The following NEGR1 variants were observed in gnomAD, a reference collection of about 807,000 sequenced individuals.
NEGR1 encodes the protein neuronal growth regulator 1, also known as IgLON family member 4.
A neutral mutation model predicts 40.9 loss-of-function variants in NEGR1; 10 were observed. The observed-to-expected ratio is 0.24, with a 90% CI of 0.15 to 0.42. The LOEUF is 0.42. NEGR1 is among the 10% of genes least tolerant of loss of function. The probability of loss-of-function intolerance (pLI) is 1.00; values close to 1 mark genes in which losing one functional copy is unlikely to be tolerated. For synonymous variants in NEGR1, 185 were observed against 166.8 expected (o/e 1.11, Z -0.84); for missense variants, 352 against 438.9 (o/e 0.80, Z 1.77).
In NEGR1 at chr1:71,430,731, G is replaced by A. The variant is rs1646460726; in HGVS notation, c.941-23161C>T. Among the ~76,000 whole-genome samples the A allele has an allele frequency of 2.6e-5, 3 of 115,386 alleles. No individual in the cohort carries two copies. The South Asian group carries it at 8.6e-4, about 33-fold the overall frequency. The allele number at this position is 115,386 out of a possible 152,430, so 75.7% of individuals were successfully genotyped here. ...TTTTTTTTTTTTTTTTTTTGAGACG[G>A]AGTCTCGCTCTGTCACCCAGGCTGG... On this transcript the variant is annotated intron_variant, in intron 6 of 6. Transcript: ENST00000357731.
At chr1:71,492,119 A>G (rs140963188) in intron 6 of NEGR1, among the ~76,000 whole-genome samples, 279 of 152,258 alleles carry the variant, frequency 1.8e-3, no homozygotes, top group Non-Finnish European at 2.4e-3. Context: ...TTGGAGAGCT[A>G]TGAGAAATGC....
intron 2 of NEGR1, among the ~76,000 whole-genome samples, chr1:71,919,495 C>A (rs1049231827): frequency 8.1e-5 from 12 of 147,636 alleles, no homozygotes; most frequent in African/African-American, 2.8e-4. Context: ...ACTATCTTAA[C>A]CTTTTTTTTT....
rs940247164 is a variant in NEGR1, at chr1:72,043,355, C to T, written c.177-108044G>A. Among the ~76,000 whole-genome samples the T allele has an allele frequency of 8.6e-5, 13 of 151,788 alleles. 1 individual carries two copies. The East Asian group carries it at 2.1e-3, about 25-fold the overall frequency. ...ATAACCAGCATTGCCTTTGTTTTCC[C>T]ACCTGGGTCCTGACTGATATACTCA... On this transcript the variant is annotated intron_variant, in intron 1 of 6. Coordinates refer to ENST00000357731, the MANE Select transcript of NEGR1 (RefSeq NM_173808.3).
intron 6 of NEGR1, among the ~76,000 whole-genome samples, chr1:71,511,704 G>C (rs1160502276): frequency 2.0e-5 from 3 of 152,138 alleles, no homozygotes; most frequent in Non-Finnish European, 4.4e-5. Flanking sequence ...GAATCAAAGA[G>C]CAATATGTTC....
At chr1:71,864,814 G>T (rs192473274) in intron 2 of NEGR1, among the ~76,000 whole-genome samples, 16 of 152,232 alleles carry the variant, frequency 1.1e-4, no homozygotes, top group Admixed American at 9.8e-4. Context: ...TTCCCCTGAA[G>T]GACATAAATA....
intron 4 of NEGR1, among the ~76,000 whole-genome samples, chr1:71,672,249 TA>T (rs1287425922): frequency 1.3e-5 from 2 of 152,136 alleles, no homozygotes; most frequent in African/African-American, 2.4e-5. Flanking sequence ...TATCGCTTTG[TA>T]AAAAAAATTA....
At chr1:71,529,545 C>G (rs1047817631) in intron 6 of NEGR1, among the ~76,000 whole-genome samples, 1 of 151,056 alleles carries the variant, frequency 6.6e-6, no homozygotes, top group Non-Finnish European at 1.5e-5. Context: ...CCTTTCCACT[C>G]TTTAAAATAA....
At chr1:71,947,210 G>A (rs1646030206) in intron 1 of NEGR1, among the ~76,000 whole-genome samples, 1 of 148,568 alleles carries the variant, frequency 6.7e-6, no homozygotes, top group African/African-American at 2.5e-5. Context: ...ACTTAATATA[G>A]TTAATAATAG....
At chr1:72,201,517 A>G (rs1217323715) in intron 1 of NEGR1, among the ~76,000 whole-genome samples, 2 of 151,820 alleles carry the variant, frequency 1.3e-5, no homozygotes, top group Admixed American at 1.3e-4. Context: ...AATGCACGTA[A>G]CTCAAGTAAA....
intron 4 of NEGR1, among the ~76,000 whole-genome samples, chr1:71,685,434 T>C (rs1287824745): frequency 4.0e-5 from 6 of 151,870 alleles, no homozygotes; most frequent in Non-Finnish European, 7.4e-5. Flanking sequence ...GCGATTCGCC[T>C]GCCTTAGCCG....
chr1:72,076,687 T>C (rs1490973458), intron 1 of NEGR1, among the ~76,000 whole-genome samples: 1 of 152,136 alleles, frequency 6.6e-6, no homozygotes, highest in Non-Finnish European at 1.5e-5. Flanking sequence ...TGTATGTATA[T>C]GTGTGTACAT....
chr1:71,476,056 G>A (rs1157436619), intron 6 of NEGR1, among the ~76,000 whole-genome samples: 2 of 151,990 alleles, frequency 1.3e-5, no homozygotes, highest in East Asian at 3.9e-4. Context: ...GTTTTCTGAT[G>A]TGGGTTTTTT....
At position 72,282,348 on chromosome 1, in the gene NEGR1, C is replaced by A; in HGVS notation, c.147G>T (p.Met49Ile). ...GCACCGCCGTGTCCCCTTTTCTGAC[C>A]ATCATGTTGTCCACGGCCGCCCAGG... The part of the protein sequence containing the change: ...DFPWAAVDNM[M>I]VRKGDTAVLR... The change falls in exon 1 of 7, where the codon ATG becomes ATT. Residue 49 changes from methionine (M) to isoleucine (I), a missense_variant. Physicochemically the swap from Met to Ile is conservative, Grantham distance 10. Transcript: ENST00000357731. 1 of 1,614,112 alleles carries A rather than the reference C, an allele frequency of 6.2e-7. No individual in the cohort carries two copies. The highest frequency in any genetic ancestry group is 1.7e-5 in the Admixed American group (1 of 60,014).
At chr1:71,456,458 C>T (rs1646673524) in intron 6 of NEGR1, among the ~76,000 whole-genome samples, 2 of 152,082 alleles carry the variant, frequency 1.3e-5, no homozygotes, top group South Asian at 4.1e-4. Flanking sequence ...CTGCTGTGTC[C>T]CTCTTTATTC....
chr1:72,070,451 T>A lies in NEGR1; in HGVS notation c.177-135140A>T, dbSNP rs771196580. Reference sequence around the variant, plus strand: ...AGTAATTTGGTGAAAAAAGTTTTCATGTTTAATACTATAATTTCCCATGTT... The same window carrying A: ...AGTAATTTGGTGAAAAAAGTTTTCAAGTTTAATACTATAATTTCCCATGTT... On this transcript the variant is annotated intron_variant, in intron 1 of 6. Transcript: ENST00000357731. Among the ~76,000 whole-genome samples the A allele has an allele frequency of 2.0e-5, 3 of 152,036 alleles. No individual in the cohort carries two copies. The South Asian group carries it at 6.2e-4, about 31-fold the overall frequency.
At chr1:71,479,254 T>C (rs1315037217) in intron 6 of NEGR1, among the ~76,000 whole-genome samples, 1 of 151,990 alleles carries the variant, frequency 6.6e-6, no homozygotes, top group Non-Finnish European at 1.5e-5. Flanking sequence ...TTTTTCATTG[T>C]GCTTTTTTGG....
intron 1 of NEGR1, among the ~76,000 whole-genome samples, chr1:72,196,227 C>T (rs1350573658): frequency 6.6e-6 from 1 of 151,936 alleles, no homozygotes; most frequent in Non-Finnish European, 1.5e-5. Context: ...CTCACTGGAA[C>T]ATTTTGGATT....
intron 1 of NEGR1, among the ~76,000 whole-genome samples, chr1:72,231,816 A>G (rs1329041750): frequency 6.6e-6 from 1 of 152,176 alleles, no homozygotes; most frequent in African/African-American, 2.4e-5. Flanking sequence ...AATAGAAGAA[A>G]TGAAGAAATG....
rs182173809 is a variant in NEGR1, at chr1:71,404,830, G to T, written c.*2616C>A. 1.3e-5 allele frequency: 2 copies of T among 152,160 alleles called. No individual in the cohort carries two copies. The highest frequency in any genetic ancestry group is 3.0e-5 in the Non-Finnish European group (2 of 67,742). The allele number at this position is 152,160 out of a possible 1,614,324, so 9.4% of individuals were successfully genotyped here. A position where few individuals can be genotyped will look rare whatever the true frequency, so the allele number is the denominator to read the frequency against. ...GCTATTCTGAAATTGCAACAATCTT[G>T]TACAGTCAGGACTGATAAAATGGGG... On this transcript the variant is annotated 3_prime_UTR_variant, in exon 7 of 7. Transcript: ENST00000357731.
Sources: gnomAD v4.1 joint callset for allele counts (sites outside exome capture counted in the v4.1 genomes callset) on GRCh38, gnomAD v4.1.1 for gene constraint, MANE v1.5 for transcripts, NCBI Gene and HGNC (gene_info 2026-07-23, HGNC 2026-07-21) for gene names.